The following WWC2 variants were observed in gnomAD, a reference collection of about 807,000 sequenced individuals.
WWC2 encodes WW and C2 domain containing 2.
A neutral mutation model predicts 138.5 loss-of-function variants in WWC2; 101 were observed. The ratio of observed to expected loss-of-function variants is 0.73; its 90% confidence interval spans 0.62 to 0.86. The LOEUF (loss-of-function observed/expected upper bound fraction) is 0.86. WWC2 is among the 40% of genes least tolerant of loss of function. The pLI is 0.00. For missense variants in WWC2, 1,420 were observed against 1,419.4 expected (o/e 1.00, Z -0.01); for synonymous variants, 558 against 538.4 (o/e 1.04, Z -0.50).
intron 4 of WWC2, among the ~76,000 whole-genome samples, chr4:183,235,165 G>A (rs1736382440): frequency 6.6e-6 from 1 of 152,154 alleles, no homozygotes; most frequent in Non-Finnish European, 1.5e-5. Flanking sequence ...AGACTCCCCA[G>A]TATAAAACCA....
At chr4:183,283,485 GA>G (rs1427665856) in intron 18 of WWC2, among the ~76,000 whole-genome samples, 1 of 152,186 alleles carries the variant, frequency 6.6e-6, no homozygotes, top group Admixed American at 6.5e-5. Flanking sequence ...GTAGAGTTTA[GA>G]AAATTATAAT....
At chr4:183,286,384 T>C (rs948356646) in intron 20 of WWC2, among the ~76,000 whole-genome samples, 6 of 152,190 alleles carry the variant, frequency 3.9e-5, no homozygotes. Flanking sequence ...CTGCATACCA[T>C]GTCCAGGTCT....
intron 1 of WWC2, among the ~76,000 whole-genome samples, chr4:183,142,520 A>T (rs1733332205): frequency 6.6e-6 from 1 of 152,324 alleles, no homozygotes; most frequent in South Asian, 2.1e-4. Flanking sequence ...CGACAAAGAG[A>T]GTGTGTATAG....
rs575960706 is a variant in WWC2 at position 183,183,251 on chromosome 4, A to G, written c.132-10348A>G. 2.0e-5 allele frequency among the ~76,000 whole-genome samples: 3 copies of G among 152,336 alleles called. No individual in the cohort carries two copies. In the South Asian group the frequency reaches 6.2e-4, roughly 32 times the overall value. ...TTTGTTGCATAGGTAAACGTGTGCC[A>G]TGATGTCTTGCCGCACCTATCACCC... On this transcript the variant is annotated intron_variant, in intron 1 of 22. Transcript: ENST00000403733.
At chr4:183,251,283 T>G (rs1413372766) in intron 8 of WWC2, among the ~76,000 whole-genome samples, 2 of 152,244 alleles carry the variant, frequency 1.3e-5, no homozygotes, top group Non-Finnish European at 2.9e-5. Context: ...AGATAGTGCC[T>G]GTGGTCCCCT....
chr4:183,162,257 T>C (rs1014305249), intron 1 of WWC2, among the ~76,000 whole-genome samples: 1 of 152,216 alleles, frequency 6.6e-6, no homozygotes, highest in Non-Finnish European at 1.5e-5. Flanking sequence ...TGCAGTATAC[T>C]AAATACTATT....
intron 22 of WWC2, 106 bp downstream of exon 22, chr4:183,312,574 A>C: frequency 6.6e-6 from 10 of 1,506,364 alleles, no homozygotes; most frequent in Non-Finnish European, 8.2e-6. Context: ...CCGAGACAGA[A>C]GTCCTCTGTT....
chr4:183,103,381 T>C (rs1743242486), intron 1 of WWC2, among the ~76,000 whole-genome samples: 1 of 149,856 alleles, frequency 6.7e-6, no homozygotes, highest in African/African-American at 2.5e-5. Flanking sequence ...TTGCCCAAGT[T>C]GGAGAGCAAT....
intron 1 of WWC2, among the ~76,000 whole-genome samples, chr4:183,130,976 T>C (rs1251758108): frequency 6.6e-6 from 1 of 152,194 alleles, no homozygotes; most frequent in Non-Finnish European, 1.5e-5. Flanking sequence ...GTTTGACACA[T>C]AAAGTGAACT....
chr4:183,171,201 T>G (rs73870353), intron 1 of WWC2, among the ~76,000 whole-genome samples: 3,304 of 152,280 alleles, frequency 0.022, 128 homozygotes, highest in African/African-American at 0.076. Flanking sequence ...TTAGCCTCAT[T>G]GAGAGCAGGG....
At chr4:183,286,616 G>T (rs1374429167) in intron 20 of WWC2, among the ~76,000 whole-genome samples, 1 of 152,146 alleles carries the variant, frequency 6.6e-6, no homozygotes, top group Non-Finnish European at 1.5e-5. Context: ...TAACAGGTTG[G>T]TCTGTTCAAG....
Position 183,311,346 on chromosome 4 carries a change from C to T in WWC2, c.3385-995C>T, listed in dbSNP as rs144906314. ...AGTGAGTTACAACTACATATAACAG[C>T]GTGTATGATTCTCGTGAGCATAATG... On this transcript the variant is annotated intron_variant, in intron 21 of 22. Coordinates refer to ENST00000403733, the MANE Select transcript of WWC2 (RefSeq NM_024949.6). Among the ~76,000 whole-genome samples the T allele has an allele frequency of 1.7e-3, 263 of 152,198 alleles. 1 individual carries two copies. Among genetic ancestry groups the T allele is most frequent in the African/African-American group, 5.9e-3 (245 of 41,520 alleles).
intron 1 of WWC2, among the ~76,000 whole-genome samples, chr4:183,181,661 T>G (rs908657230): frequency 1.3e-5 from 2 of 152,224 alleles, no homozygotes; most frequent in African/African-American, 2.4e-5. Context: ...TGTTTATGTA[T>G]TGGTGAGGCT....
intron 1 of WWC2, among the ~76,000 whole-genome samples, chr4:183,118,130 T>C (rs994135592): frequency 3.9e-5 from 6 of 152,222 alleles, no homozygotes; most frequent in Non-Finnish European, 4.4e-5. Flanking sequence ...TCTACTCTTA[T>C]AGTCGAGCCT....
intron 1 of WWC2, among the ~76,000 whole-genome samples, chr4:183,107,751 A>G (rs1401685501): frequency 6.6e-6 from 1 of 151,920 alleles, no homozygotes; most frequent in Non-Finnish European, 1.5e-5. Flanking sequence ...GACATTGTAG[A>G]TATGCATTAA....
intron 1 of WWC2, among the ~76,000 whole-genome samples, chr4:183,147,892 T>C (rs73872929): frequency 0.049 from 7,392 of 152,328 alleles, 607 homozygotes; most frequent in African/African-American, 0.17. Context: ...TAACATACTT[T>C]GTTCTGTTTC....
At chr4:183,145,376 C>T (rs1362667799) in intron 1 of WWC2, among the ~76,000 whole-genome samples, 1 of 152,048 alleles carries the variant, frequency 6.6e-6, no homozygotes, top group Non-Finnish European at 1.5e-5. Flanking sequence ...GATAGAACAA[C>T]AGTATTAAAG....
At chr4:183,162,119 A>G (rs1183851502) in intron 1 of WWC2, among the ~76,000 whole-genome samples, 1 of 152,242 alleles carries the variant, frequency 6.6e-6, no homozygotes, top group Admixed American at 6.5e-5. Context: ...TTGTTAAGAT[A>G]CAGAAAAGAT....
chr4:183,146,371 G>A (rs1733460066), intron 1 of WWC2, among the ~76,000 whole-genome samples: 1 of 152,204 alleles, frequency 6.6e-6, no homozygotes, highest in African/African-American at 2.4e-5. Context: ...AGGACCTGAA[G>A]ATCAGTTGCT....
Sources: gnomAD v4.1 joint callset for allele counts (sites outside exome capture counted in the v4.1 genomes callset) on GRCh38, gnomAD v4.1.1 for gene constraint, MANE v1.5 for transcripts, NCBI Gene and HGNC (gene_info 2026-07-23, HGNC 2026-07-21) for gene names.